Variants in SERPINE2 observed in about 807,000 individuals in gnomAD.
The protein encoded by SERPINE2 is serpin family E member 2, also known as glia-derived nexin.
In SERPINE2, 14 loss-of-function variants were observed where a neutral mutation model predicts 36.3. The observed-to-expected ratio is 0.39, with a 90% CI of 0.25 to 0.60. The LOEUF is 0.60. Among genes scored for constraint, SERPINE2 ranks in the 20% least tolerant of loss-of-function variants. SERPINE2 has a pLI of 0.57. For missense variants in SERPINE2, 418 were observed against 499.6 expected (o/e 0.84, Z 1.56); for synonymous variants, 192 against 191.8 (o/e 1.00, Z -0.01).
At chr2:223,980,940 G>A (rs1373760848) in intron 6 of SERPINE2, 1 of 152,780 alleles carries the variant, frequency 6.5e-6, no homozygotes, top group South Asian at 2.1e-4. Context: ...TCGAACAAGA[G>A]AAGAGTTTAG....
At chr2:223,985,982 A>G (rs905071404) in intron 4 of SERPINE2, among the ~76,000 whole-genome samples, 1 of 152,256 alleles carries the variant, frequency 6.6e-6, no homozygotes, top group African/African-American at 2.4e-5. Flanking sequence ...GCAAACAAGA[A>G]GAGAGAAAGC....
intron 1 of SERPINE2, among the ~76,000 whole-genome samples, chr2:224,034,116 G>A (rs776416777): frequency 2.0e-5 from 3 of 152,072 alleles, no homozygotes; most frequent in Non-Finnish European, 4.4e-5. Flanking sequence ...ACACACCACC[G>A]CTGGTGCAAA....
intron 4 of SERPINE2, 26 bp from the exon 5 acceptor site, chr2:223,984,976 T>C: frequency 6.2e-7 from 1 of 1,608,754 alleles, no homozygotes; most frequent in Non-Finnish European, 8.5e-7. Flanking sequence ...GCAGGTTCAG[T>C]GTATCCTTGT....
At chr2:224,021,491 G>A (rs1259053221) in intron 1 of SERPINE2, among the ~76,000 whole-genome samples, 2 of 152,218 alleles carry the variant, frequency 1.3e-5, no homozygotes, top group Non-Finnish European at 2.9e-5. Flanking sequence ...AAATCCTTAA[G>A]GACTAAGAAA....
chr2:223,998,300 G>T lies in SERPINE2; in HGVS notation c.302C>A (p.Ser101Tyr). The T allele has an allele frequency of 6.2e-7, 1 of 1,614,090 alleles. No individual in the cohort carries two copies. The highest frequency in any genetic ancestry group is 8.5e-7 in the Non-Finnish European group (1 of 1,179,948). Residue 101 changes from serine to tyrosine, a missense_variant, in exon 3 of 9, where the codon TCC becomes TAC. Ser to Tyr is a moderately radical substitution (Grantham distance 144, BLOSUM62 -2). Coordinates refer to ENST00000409304, the MANE Select transcript of SERPINE2 (RefSeq NM_001136528.2). ...TGTCACAATGTCTTTATTCTTCTTG[G>T]AGACGATGGCCTTGTTGATCTTCTT... ...ILKKINKAIV[S>Y]KKNKDIVTVA...
At chr2:224,035,789 A>C (rs1246830415) in intron 1 of SERPINE2, among the ~76,000 whole-genome samples, 1 of 152,238 alleles carries the variant, frequency 6.6e-6, no homozygotes, top group Admixed American at 6.5e-5. Context: ...GCCTACTGCT[A>C]GAAGTGGCAC....
chr2:223,976,751 C>T (rs1690027119), intron 8 of SERPINE2, among the ~76,000 whole-genome samples: 1 of 152,172 alleles, frequency 6.6e-6, no homozygotes, highest in South Asian at 2.1e-4. Context: ...AGGCCAGAGC[C>T]AAGTTTGAAC....
chr2:224,002,919 C>T (rs1013807664), intron 1 of SERPINE2, among the ~76,000 whole-genome samples: 10 of 152,074 alleles, frequency 6.6e-5, no homozygotes, highest in Non-Finnish European at 1.3e-4. Context: ...AAGACTCTCA[C>T]CCGCACTGAG....
At position 224,001,683 on chromosome 2, in the gene SERPINE2, G is replaced by C. The variant is rs1691170851; in HGVS notation, c.218C>G (p.Thr73Ser). ...GMLQLGADGR[T>S]KKQLAMVMRY... ...CATCACCATGGCGAGCTGCTTCTTG[G>C]TCCTGCCGTCCGCCCCCAGCTGAAG... is the stretch of plus-strand genomic sequence containing the variant. Residue 73 changes from threonine (T) to serine (S), a missense_variant, in exon 2 of 9, where the codon ACC (threonine) becomes AGC (serine). Transcript: ENST00000409304. 1 of 1,613,984 alleles carries C rather than the reference G, an allele frequency of 6.2e-7. No homozygotes were observed.
intron 4 of SERPINE2, among the ~76,000 whole-genome samples, chr2:223,991,313 C>T (rs945300480): frequency 1.3e-5 from 2 of 152,200 alleles, no homozygotes; most frequent in African/African-American, 4.8e-5. Context: ...AGGAAGTCCT[C>T]GGACCACAGA....
intron 1 of SERPINE2, among the ~76,000 whole-genome samples, chr2:224,020,360 C>G (rs1314077024): frequency 1.3e-5 from 2 of 152,162 alleles, no homozygotes; most frequent in African/African-American, 4.8e-5. Context: ...TCTGACCATT[C>G]ATTTGTGTTT....
rs555569905 is a variant in SERPINE2, at chr2:224,003,307, T to C, written c.-22-1385A>G. On this transcript the variant is annotated intron_variant, in intron 1 of 8. Coordinates refer to ENST00000409304, the MANE Select transcript of SERPINE2 (RefSeq NM_001136528.2). The stretch of plus-strand genomic sequence containing the variant: ...AGAGTTCAGATCTGGTAAGGTCCTG[T>C]AGAGCCTGGAAAGGCACTGGGATTT... Among the ~76,000 whole-genome samples, 6 of 152,250 alleles carry C rather than the reference T, an allele frequency of 3.9e-5. 1 individual carries two copies. Among genetic ancestry groups the C allele is most frequent in the African/African-American group, 1.4e-4 (6 of 41,538 alleles).
At chr2:224,005,065 T>TATATATA (rs1553547020) in intron 1 of SERPINE2, among the ~76,000 whole-genome samples, 463 of 33,198 alleles carry the variant, frequency 0.014, 15 homozygotes, top group Non-Finnish European at 0.021. Context: ...TTTATATATA[T>TATATATA]TATATATATA....
At chr2:224,016,506 CAA>C (rs34770432) in intron 1 of SERPINE2, among the ~76,000 whole-genome samples, 87,466 of 139,606 alleles carry the variant, frequency 0.63, 28,219 homozygotes, top group South Asian at 0.75. Context: ...AAGTCCGTCT[CAA>C]AAAAAAAAAA....
chr2:223,988,429 C>T (rs1331966586), intron 4 of SERPINE2, among the ~76,000 whole-genome samples: 2 of 152,164 alleles, frequency 1.3e-5, no homozygotes, highest in Non-Finnish European at 2.9e-5. Context: ...GCCTCAGCTT[C>T]CCAAAGTGCT....
At chr2:224,038,678 C>A (rs1193806888) in intron 1 of SERPINE2, 3 of 668,376 alleles carry the variant, frequency 4.5e-6, no homozygotes, top group Non-Finnish European at 8.0e-6. Flanking sequence ...TCCGGCGGCG[C>A]GCAGCCTAAG....
chr2:223,977,941 C>G (rs1353657058), intron 7 of SERPINE2: 1 of 188,292 alleles, frequency 5.3e-6, no homozygotes, highest in African/African-American at 2.4e-5. Context: ...TATTATAGCT[C>G]TTAGAACAGT....
At chr2:223,996,065 C>T (rs1276891380) in intron 3 of SERPINE2, among the ~76,000 whole-genome samples, 7 of 152,078 alleles carry the variant, frequency 4.6e-5, no homozygotes, top group African/African-American at 1.7e-4. Context: ...TTGTTACAAA[C>T]GGAGGAGCTG....
At chr2:223,984,661 C>T in intron 5 of SERPINE2, 91 bp downstream of exon 5, 2 of 1,183,052 alleles carry the variant, frequency 1.7e-6, no homozygotes. Context: ...CATGATGTGC[C>T]ATATTTTCGC....
Sources: allele counts gnomAD v4.1 joint callset (sites outside exome capture counted in the v4.1 genomes callset), GRCh38; gene constraint gnomAD v4.1.1; transcripts MANE v1.5; gene names NCBI Gene and HGNC (gene_info 2026-07-23, HGNC 2026-07-21).